DPP10: variants seen among roughly 807,000 people sequenced by gnomAD.
DPP10 encodes the protein inactive dipeptidyl peptidase 10.
DPP10 carries 33 observed loss-of-function variants against 120.9 expected under a neutral mutation model. The observed-to-expected ratio is 0.27, with a 90% CI of 0.21 to 0.37. The LOEUF (loss-of-function observed/expected upper bound fraction) is 0.37. Ranked by LOEUF, DPP10 falls within the 10% of genes least tolerant of loss-of-function variation. The pLI, the probability that DPP10 is intolerant of heterozygous loss-of-function variation, is 1.00. For synonymous variants in DPP10, 337 were observed against 326.1 expected (o/e 1.03, Z -0.36); for missense variants, 816 against 942.8 (o/e 0.87, Z 1.76).
intron 1 of DPP10, among the ~76,000 whole-genome samples, chr2:114,569,176 T>TA (rs1689431720): frequency 6.6e-6 from 1 of 152,210 alleles, no homozygotes; most frequent in Non-Finnish European, 1.5e-5. Flanking sequence ...GAAAGTCTCT[T>TA]AGAGTCCCTG....
intron 3 of DPP10, among the ~76,000 whole-genome samples, chr2:115,378,030 A>C (rs1298906964): frequency 6.6e-6 from 1 of 151,912 alleles, no homozygotes; most frequent in Non-Finnish European, 1.5e-5. Flanking sequence ...TGACTTGGCG[A>C]TGCGGGCTGT....
chr2:114,947,934 G>T (rs1697488261), intron 1 of DPP10, among the ~76,000 whole-genome samples: 1 of 151,584 alleles, frequency 6.6e-6, no homozygotes. Context: ...TTATCTTTTT[G>T]TTTCTGTATA....
At chr2:115,676,952 A>G (rs1312717379) in intron 5 of DPP10, among the ~76,000 whole-genome samples, 1 of 152,180 alleles carries the variant, frequency 6.6e-6, no homozygotes, top group Non-Finnish European at 1.5e-5. Flanking sequence ...CAAGACACCT[A>G]TGAGGAAATG....
intron 1 of DPP10, among the ~76,000 whole-genome samples, chr2:114,625,463 T>A (rs1189471381): frequency 2.0e-5 from 3 of 151,986 alleles, no homozygotes; most frequent in African/African-American, 7.2e-5. Context: ...CATTTAGGAC[T>A]GACAAAAAAG....
At chr2:114,982,635 C>CT (rs1700153805) in intron 1 of DPP10, among the ~76,000 whole-genome samples, 2 of 151,476 alleles carry the variant, frequency 1.3e-5, no homozygotes, top group Admixed American at 6.6e-5. Context: ...AGGTGTCACT[C>CT]TGTCACCCAG....
At chr2:115,758,736 G>A (rs1017305728) in intron 11 of DPP10, among the ~76,000 whole-genome samples, 1 of 152,084 alleles carries the variant, frequency 6.6e-6, no homozygotes, top group Non-Finnish European at 1.5e-5. Flanking sequence ...TGCTAGTGGA[G>A]GCATAAGGAC....
chr2:115,366,122 A>C (rs1269266844), intron 3 of DPP10, among the ~76,000 whole-genome samples: 1 of 151,958 alleles, frequency 6.6e-6, no homozygotes, highest in Non-Finnish European at 1.5e-5. Context: ...GAAATGATAT[A>C]ATAATATATT....
intron 5 of DPP10, among the ~76,000 whole-genome samples, chr2:115,620,020 A>G (rs1187690416): frequency 1.3e-5 from 2 of 152,196 alleles, no homozygotes; most frequent in Admixed American, 6.5e-5. Context: ...CATACGTAGT[A>G]TGTTGGAATG....
At position 115,462,852 on chromosome 2, in the gene DPP10, C is replaced by G. The variant is rs1023481584; in HGVS notation, c.272-36658C>G. On this transcript the variant is annotated intron_variant, in intron 3 of 25. Transcript: ENST00000410059. ...TCAAGCAACCCTCCCACCTCAGCCT[C>G]CCCAGTAGCTGTGACTAGAAGCACA... Among the ~76,000 whole-genome samples the G allele has an allele frequency of 4.6e-5, 7 of 152,192 alleles. No individual in the cohort carries two copies. In the South Asian group the frequency reaches 1.5e-3, roughly 32 times the overall value.
chr2:115,443,651 AGTAG>A (rs1219760631), intron 3 of DPP10, among the ~76,000 whole-genome samples: 7 of 152,184 alleles, frequency 4.6e-5, no homozygotes, highest in African/African-American at 1.7e-4. Context: ...TTCTCAGACA[AGTAG>A]CATTAACATC....
intron 1 of DPP10, among the ~76,000 whole-genome samples, chr2:114,665,535 C>T (rs558023560): frequency 2.7e-5 from 4 of 150,084 alleles, no homozygotes; most frequent in Non-Finnish European, 4.4e-5. Flanking sequence ...TCTTCACATT[C>T]GTCAAAGGAG....
Position 115,117,999 on chromosome 2 carries a change from G to A in DPP10, c.61-191240G>A, listed in dbSNP as rs192602001. ...CAATAACCACTCACTGTAGCTTTTC[G>A]GGGATGATATTTGCCTGGCAATAAC... On this transcript the variant is annotated intron_variant, in intron 1 of 25. Coordinates refer to ENST00000410059, the MANE Select transcript of DPP10 (RefSeq NM_020868.6). Among the ~76,000 whole-genome samples the A allele has an allele frequency of 3.2e-4, 48 of 152,212 alleles. No homozygotes were observed. In the South Asian group the frequency reaches 6.4e-3, roughly 20 times the overall value.
At chr2:115,008,549 A>G (rs1291166715) in intron 1 of DPP10, among the ~76,000 whole-genome samples, 21 of 112,686 alleles carry the variant, frequency 1.9e-4, no homozygotes, top group African/African-American at 5.5e-4. Flanking sequence ...CACCAAAAGC[A>G]ATGGCAACAA....
intron 5 of DPP10, among the ~76,000 whole-genome samples, chr2:115,549,413 A>G (rs1225330233): frequency 1.3e-5 from 2 of 152,038 alleles, no homozygotes; most frequent in East Asian, 3.9e-4. Context: ...GTCCCTTTCT[A>G]TCCAACTTTT....
chr2:114,942,400 C>CT (rs1697025022), intron 1 of DPP10, among the ~76,000 whole-genome samples: 1 of 99,376 alleles, frequency 1.0e-5, no homozygotes, highest in Non-Finnish European at 2.2e-5. Context: ...TACACACACA[C>CT]ACATATATAT....
chr2:115,804,368 G>A (rs898754216), intron 19 of DPP10, among the ~76,000 whole-genome samples: 1 of 151,880 alleles, frequency 6.6e-6, no homozygotes, highest in African/African-American at 2.4e-5. Flanking sequence ...TCTTTGCCAC[G>A]GGTTCGAACT....
intron 1 of DPP10, among the ~76,000 whole-genome samples, chr2:115,009,489 T>A (rs928678050): frequency 2.0e-5 from 3 of 151,676 alleles, no homozygotes; most frequent in Admixed American, 1.3e-4. Flanking sequence ...GATGACGAGT[T>A]AGTGGGTGCA....
intron 1 of DPP10, among the ~76,000 whole-genome samples, chr2:114,527,767 A>C (rs1685623659): frequency 6.6e-6 from 1 of 152,156 alleles, no homozygotes; most frequent in Non-Finnish European, 1.5e-5. Context: ...CCCACTACAC[A>C]CCTAGGTTAT....
At chr2:115,766,159 T>G (rs755035064) in intron 12 of DPP10, among the ~76,000 whole-genome samples, 5 of 151,548 alleles carry the variant, frequency 3.3e-5, no homozygotes, top group Admixed American at 6.6e-5. Context: ...CATACATACA[T>G]AAGTATGTAA....
Sources: gnomAD v4.1 joint callset for allele counts (sites outside exome capture counted in the v4.1 genomes callset) on GRCh38, gnomAD v4.1.1 for gene constraint, MANE v1.5 for transcripts, NCBI Gene and HGNC (gene_info 2026-07-23, HGNC 2026-07-21) for gene names.